Variants in RASEF observed in about 807,000 individuals in gnomAD.
The protein encoded by RASEF is RAS and EF-hand domain containing.
Under a neutral mutation model 90.1 loss-of-function variants are expected in RASEF, and 68 were observed. The ratio of observed to expected loss-of-function variants is 0.75; its 90% CI spans 0.62 to 0.92. The LOEUF (loss-of-function observed/expected upper bound fraction) is 0.92, where lower values mean the gene tolerates loss of function less well. Ranked by LOEUF, RASEF falls within the 40% of genes least tolerant of loss-of-function variation. The pLI is 0.00. For missense variants in RASEF, 949 were observed against 937.2 expected (o/e 1.01, Z -0.16); for synonymous variants, 331 against 345.2 (o/e 0.96, Z 0.46).
chr9:83,074,640 A>T, the RASEF span, among the ~76,000 whole-genome samples: 1 of 152,216 alleles, frequency 6.6e-6, no homozygotes, highest in South Asian at 2.1e-4. Flanking sequence ...CTTTACTGTA[A>T]CATGGTCTCA....
At chr9:83,202,785 C>A in the RASEF span, among the ~76,000 whole-genome samples, 1 of 152,144 alleles carries the variant, frequency 6.6e-6, no homozygotes, top group Non-Finnish European at 1.5e-5. Flanking sequence ...AGCCACCACA[C>A]CCAGCCAAGA....
the RASEF span, among the ~76,000 whole-genome samples, chr9:83,089,339 T>C: frequency 6.6e-6 from 1 of 152,108 alleles, no homozygotes; most frequent in Non-Finnish European, 1.5e-5. Flanking sequence ...AAATTTATAC[T>C]GTCTTTTATA....
At chr9:83,162,295 A>G in the RASEF span, among the ~76,000 whole-genome samples, 1 of 152,222 alleles carries the variant, frequency 6.6e-6, no homozygotes, top group Non-Finnish European at 1.5e-5. Context: ...GAAGAAGATA[A>G]CAGAAACTTT....
At chr9:83,020,837 T>TGCA (rs937515004) in intron 3 of RASEF, among the ~76,000 whole-genome samples, 3 of 152,126 alleles carry the variant, frequency 2.0e-5, no homozygotes, top group African/African-American at 7.2e-5. Flanking sequence ...AATGAATTTG[T>TGCA]GCACAGATTA....
At chr9:83,037,621 A>T (rs1317273592) in intron 1 of RASEF, among the ~76,000 whole-genome samples, 2 of 152,174 alleles carry the variant, frequency 1.3e-5, no homozygotes, top group Non-Finnish European at 2.9e-5. Context: ...ATTGACACAC[A>T]TAATTACATT....
chr9:83,218,884 G>A, the RASEF span, among the ~76,000 whole-genome samples: 1 of 152,154 alleles, frequency 6.6e-6, no homozygotes, highest in African/African-American at 2.4e-5. Flanking sequence ...CCACATACCT[G>A]TGTGTCCTCA....
chr9:83,020,627 C>T (rs1829424697), intron 3 of RASEF, among the ~76,000 whole-genome samples: 2 of 152,170 alleles, frequency 1.3e-5, no homozygotes, highest in African/African-American at 4.8e-5. Context: ...AGAAATGATG[C>T]TGTGGATGCA....
the RASEF span, among the ~76,000 whole-genome samples, chr9:83,192,235 A>G: frequency 2.0e-5 from 3 of 152,216 alleles, no homozygotes; most frequent in East Asian, 3.8e-4. Flanking sequence ...AAATCATTCT[A>G]TCACAAAGAC....
chr9:83,127,168 T>C, the RASEF span, among the ~76,000 whole-genome samples: 1 of 152,194 alleles, frequency 6.6e-6, no homozygotes, highest in Non-Finnish European at 1.5e-5. Context: ...GTGACCACCA[T>C]AGTTTTGAAG....
the RASEF span, among the ~76,000 whole-genome samples, chr9:83,079,647 T>C: frequency 6.6e-6 from 1 of 152,164 alleles, no homozygotes; most frequent in Non-Finnish European, 1.5e-5. Context: ...AGCTAAACTA[T>C]GTTAACAGCC....
the RASEF span, among the ~76,000 whole-genome samples, chr9:83,113,132 C>T: frequency 2.6e-5 from 4 of 152,222 alleles, no homozygotes; most frequent in East Asian, 7.7e-4. Flanking sequence ...GGAGCCGAGG[C>T]AGAAGAACAT....
chr9:83,168,218 T>C, the RASEF span, among the ~76,000 whole-genome samples: 2 of 152,282 alleles, frequency 1.3e-5, no homozygotes, highest in Non-Finnish European at 1.5e-5. Flanking sequence ...GAAATGGTAT[T>C]TCACTATGGT....
intron 16 of RASEF, among the ~76,000 whole-genome samples, chr9:82,988,033 C>G (rs1828741066): frequency 6.6e-6 from 1 of 152,200 alleles, no homozygotes; most frequent in African/African-American, 2.4e-5. Flanking sequence ...CAGGGATGCT[C>G]CAAAGACCTG....
intron 1 of RASEF, among the ~76,000 whole-genome samples, chr9:83,037,846 A>G: frequency 6.6e-6 from 1 of 151,562 alleles, no homozygotes; most frequent in East Asian, 1.9e-4. Context: ...ATTAGGAACC[A>G]TATAAAAGCT....
At chr9:83,139,201 T>C in the RASEF span, among the ~76,000 whole-genome samples, 1 of 152,174 alleles carries the variant, frequency 6.6e-6, no homozygotes, top group Non-Finnish European at 1.5e-5. Context: ...AGAGGATGCA[T>C]GTGCACATTC....
chr9:83,139,660 G>A, the RASEF span, among the ~76,000 whole-genome samples: 6 of 152,138 alleles, frequency 3.9e-5, no homozygotes, highest in African/African-American at 1.4e-4. Flanking sequence ...AGGGGTGGCA[G>A]AGGCGGAAGA....
intron 7 of RASEF, 64 bp downstream of exon 7, chr9:83,007,373 G>A: frequency 2.3e-6 from 3 of 1,282,686 alleles, no homozygotes; most frequent in Non-Finnish European, 3.4e-6. Flanking sequence ...TATGTGTTAT[G>A]TCTTTTATTA....
chr9:83,194,693 G>T, the RASEF span, among the ~76,000 whole-genome samples: 1 of 152,122 alleles, frequency 6.6e-6, no homozygotes, highest in East Asian at 1.9e-4. Flanking sequence ...CTTCTCCCCC[G>T]TTTATTTAAT....
chr9:83,074,297 C>T, the RASEF span, among the ~76,000 whole-genome samples: 3 of 152,192 alleles, frequency 2.0e-5, no homozygotes, highest in South Asian at 6.2e-4. Context: ...CATGAAAAAT[C>T]TTTCAAATAA....
Sources: allele counts gnomAD v4.1 joint callset (sites outside exome capture counted in the v4.1 genomes callset), GRCh38; gene constraint gnomAD v4.1.1; transcripts MANE v1.5; gene names NCBI Gene and HGNC (gene_info 2026-07-23, HGNC 2026-07-21).